Variants in PI4KA observed in about 807,000 individuals in gnomAD.
PI4KA encodes phosphatidylinositol 4-kinase alpha, also known as PI4-kinase alpha.
PI4KA carries 122 observed loss-of-function variants against 271.4 expected under a neutral mutation model. The ratio of observed to expected loss-of-function variants is 0.45; its 90% CI spans 0.39 to 0.52. PI4KA has a LOEUF of 0.52. Ranked by LOEUF, PI4KA falls within the 20% of genes least tolerant of loss-of-function variation. PI4KA has a pLI of 0.00. For synonymous variants in PI4KA, 1,041 were observed against 1,078.8 expected, an observed-to-expected ratio of 0.96 and a Z score of 0.69; for missense variants, 1,969 against 2,769.1, an observed-to-expected ratio of 0.71 and a Z score of 6.48.
At chr22:20,808,043 C>T (rs1935767228) in intron 9 of PI4KA, among the ~76,000 whole-genome samples, 1 of 151,960 alleles carries the variant, frequency 6.6e-6, no homozygotes, top group African/African-American at 2.4e-5. Flanking sequence ...GTAATCCCAG[C>T]ATTTGGGGAG....
intron 3 of PI4KA, among the ~76,000 whole-genome samples, chr22:20,828,699 T>C (rs555199020): frequency 1.3e-3 from 204 of 152,074 alleles, no homozygotes; most frequent in Non-Finnish European, 2.6e-3. Flanking sequence ...GGACTACAGA[T>C]GCCTGCCACC....
At chr22:20,731,286 C>A (rs558565193) in intron 36 of PI4KA, among the ~76,000 whole-genome samples, 5 of 152,322 alleles carry the variant, frequency 3.3e-5, no homozygotes, top group African/African-American at 9.6e-5. Context: ...AGTACGGTGA[C>A]AACTTGAGGG....
At chr22:20,842,526 C>CTATAT (rs1284303434) in intron 1 of PI4KA, among the ~76,000 whole-genome samples, 1 of 152,092 alleles carries the variant, frequency 6.6e-6, no homozygotes, top group Non-Finnish European at 1.5e-5. Flanking sequence ...AGATTACAGG[C>CTATAT]AATAGGCCGG....
chr22:20,776,257 C>T (rs1933262876), intron 19 of PI4KA, among the ~76,000 whole-genome samples: 1 of 152,096 alleles, frequency 6.6e-6, no homozygotes, highest in Admixed American at 6.5e-5. Flanking sequence ...CTGAGAGGAA[C>T]AGGTGGCAGT....
chr22:20,749,198 C>G (rs915062456), intron 28 of PI4KA, among the ~76,000 whole-genome samples: 1 of 152,190 alleles, frequency 6.6e-6, no homozygotes, highest in Admixed American at 6.5e-5. Context: ...GCTGGCTGCT[C>G]TATCCTTCCT....
In PI4KA at chr22:20,765,833, C is replaced by G; in HGVS notation, c.2329-140G>C. ...ACTGGGTAGGAAAAGGCACACTGAG[C>G]AGTGATGATTCTGCCAATAAGCATT... On this transcript the variant is annotated intron_variant, in intron 19 of 54. Coordinates refer to ENST00000255882, the MANE Select transcript of PI4KA (RefSeq NM_058004.4). 3 of 617,962 alleles carry G rather than the reference C, an allele frequency of 4.9e-6. No individual in the cohort carries two copies. In the South Asian group the frequency reaches 5.5e-5, roughly 11 times the overall value. 38.3% of individuals were successfully genotyped at this position (617,962 alleles called of 1,614,324 possible). A position where few individuals can be genotyped will look rare whatever the true frequency, so the allele number is the denominator to read the frequency against.
chr22:20,770,772 G>T (rs1296751081), intron 19 of PI4KA, among the ~76,000 whole-genome samples: 1 of 152,028 alleles, frequency 6.6e-6, no homozygotes, highest in East Asian at 1.9e-4. Flanking sequence ...TATTTCAAAA[G>T]AAAAAGTTTT....
rs78516480 is a variant in PI4KA at position 20,709,664 on chromosome 22, T to G, written c.6173+244A>C. On this transcript the variant is annotated intron_variant, in intron 53 of 54. Coordinates refer to ENST00000255882, the MANE Select transcript of PI4KA (RefSeq NM_058004.4). ...CCCCAGACCTTAGGGTGGAGGTGGG[T>G]TGGGCGTAGCATCCTTGACATAAAG... 0.43 allele frequency among the ~76,000 whole-genome samples: 35,868 copies of G among 82,896 alleles called. 4,833 individuals carry two copies. The highest frequency in any genetic ancestry group is 0.47 in the Non-Finnish European group (19,717 of 41,654). 54.4% of individuals were successfully genotyped at this position (82,896 alleles called of 152,430 possible).
chr22:20,850,705 G>A (rs1926857648), intron 1 of PI4KA, among the ~76,000 whole-genome samples: 1 of 151,828 alleles, frequency 6.6e-6, no homozygotes, highest in Admixed American at 6.6e-5. Context: ...CCAAAGTGCT[G>A]GGATTACAGG....
At chr22:20,856,877 G>A (rs1927664341) in intron 1 of PI4KA, among the ~76,000 whole-genome samples, 1 of 152,144 alleles carries the variant, frequency 6.6e-6, no homozygotes, top group Non-Finnish European at 1.5e-5. Context: ...GAGTGGAAAG[G>A]GTGCTACCAC....
At chr22:20,745,042 G>A (rs755504793) in intron 29 of PI4KA, among the ~76,000 whole-genome samples, 10 of 152,300 alleles carry the variant, frequency 6.6e-5, no homozygotes, top group South Asian at 4.1e-4. Flanking sequence ...ATTCACAGCC[G>A]TCTCCTTGAG....
intron 29 of PI4KA, among the ~76,000 whole-genome samples, chr22:20,745,371 C>T (rs1244377305): frequency 6.6e-6 from 1 of 152,154 alleles, no homozygotes; most frequent in Non-Finnish European, 1.5e-5. Context: ...CATCCACGGT[C>T]ACTGCAGAGT....
chr22:20,761,455 C>T, intron 22 of PI4KA, 69 bp from the exon 23 acceptor site: 1 of 890,354 alleles, frequency 1.1e-6, no homozygotes. Context: ...TTTGACACTG[C>T]CCATAAGTGG....
intron 3 of PI4KA, among the ~76,000 whole-genome samples, chr22:20,830,416 T>A (rs1924001444): frequency 6.6e-6 from 1 of 152,258 alleles, no homozygotes. Context: ...TTGTCTTTTG[T>A]GATCTTCGTT....
chr22:20,757,505 A>C (rs1318674400), intron 23 of PI4KA, among the ~76,000 whole-genome samples: 1 of 152,138 alleles, frequency 6.6e-6, no homozygotes, highest in Non-Finnish European at 1.5e-5. Flanking sequence ...GATTCGGTTT[A>C]TGAATATTCT....
At chr22:20,851,831 G>C (rs1013705921) in intron 1 of PI4KA, among the ~76,000 whole-genome samples, 1 of 152,168 alleles carries the variant, frequency 6.6e-6, no homozygotes, top group Non-Finnish European at 1.5e-5. Context: ...GTAGCGTTCT[G>C]GCCAACTTGG....
At chr22:20,844,065 C>T (rs2147794366) in intron 1 of PI4KA, among the ~76,000 whole-genome samples, 1 of 152,230 alleles carries the variant, frequency 6.6e-6, no homozygotes, top group African/African-American at 2.4e-5. Context: ...TTTTCCAGAC[C>T]CCAGCAACTT....
rs1026394802 is a variant in PI4KA, at chr22:20,727,868, C to A, written c.4683-4G>T. The A allele has an allele frequency of 6.2e-7, 1 of 1,612,382 alleles. No individual in the cohort carries two copies. The highest frequency in any genetic ancestry group is 2.2e-5 in the East Asian group (1 of 44,864). ...AATGGCTTCTGTGTTCTTAAACCTA[C>A]AGTGCACAGAGGGTATGGGTGGTGC... On this transcript the variant is annotated splice_region_variant and splice_polypyrimidine_tract_variant and intron_variant, in intron 39 of 54. Transcript: ENST00000255882.
intron 19 of PI4KA, among the ~76,000 whole-genome samples, chr22:20,778,625 C>T (rs1933496285): frequency 6.6e-6 from 1 of 152,182 alleles, no homozygotes; most frequent in Non-Finnish European, 1.5e-5. Flanking sequence ...AAGCCTGGCC[C>T]ATGGACATTT....
Sources: allele counts gnomAD v4.1 joint callset (sites outside exome capture counted in the v4.1 genomes callset), GRCh38; gene constraint gnomAD v4.1.1; transcripts MANE v1.5; gene names NCBI Gene and HGNC (gene_info 2026-07-23, HGNC 2026-07-21).